Variants in ERCC1 observed in about 807,000 individuals in gnomAD.
ERCC1 encodes the protein DNA excision repair protein ERCC-1.
A neutral mutation model predicts 37.6 loss-of-function variants in ERCC1; 36 were observed. The ratio of observed to expected loss-of-function variants is 0.96; its 90% CI spans 0.73 to 1.26. The LOEUF is 1.26. Ranked by LOEUF, ERCC1 falls within the 50% of genes most tolerant of loss-of-function variation. ERCC1 has a pLI of 0.00. For missense variants in ERCC1, 349 were observed against 376.5 expected (o/e 0.93, Z 0.60); for synonymous variants, 156 against 162.1 (o/e 0.96, Z 0.28).
In ERCC1 at chr19:45,409,153, C is replaced by T; in HGVS notation, c.*522G>A. On this transcript the variant is annotated 3_prime_UTR_variant, in exon 10 of 10. Coordinates refer to ENST00000300853, the MANE Select transcript of ERCC1 (RefSeq NM_001983.4). ...CGAAGAAAGAAAAACAGCAAGATGC[C>T]ACAGTGGAGCCAGAGACAGAGGTGG... The T allele has an allele frequency of 4.3e-6, 7 of 1,613,058 alleles. No individual in the cohort carries two copies. Among genetic ancestry groups the T allele is most frequent in the Non-Finnish European group, 5.9e-6 (7 of 1,179,412 alleles).
chr19:45,438,065 G>A (rs551047412), intron 1 of ERCC1, among the ~76,000 whole-genome samples: 50 of 152,056 alleles, frequency 3.3e-4, no homozygotes, highest in Middle Eastern at 3.4e-3. Flanking sequence ...GTGAGACCAC[G>A]CCCAGCTAAA....
chr19:45,435,196 C>T (rs575617194), intron 1 of ERCC1, among the ~76,000 whole-genome samples: 136 of 152,118 alleles, frequency 8.9e-4, no homozygotes, highest in Non-Finnish European at 1.6e-3. Flanking sequence ...GGATTACAGG[C>T]ATGAGCCACT....
At chr19:45,412,956 G>C (rs1455867982) in intron 9 of ERCC1, among the ~76,000 whole-genome samples, 1 of 151,724 alleles carries the variant, frequency 6.6e-6, no homozygotes, top group African/African-American at 2.4e-5. Context: ...GGCCAGGCTG[G>C]TCCCAAACTC....
At chr19:45,448,844 G>T (rs1412320028) in intron 1 of ERCC1, among the ~76,000 whole-genome samples, 3 of 151,790 alleles carry the variant, frequency 2.0e-5, no homozygotes, top group African/African-American at 7.3e-5. Flanking sequence ...CCGTCTCCTT[G>T]GCCCATGCTT....
chr19:45,421,712 C>A lies in ERCC1; in HGVS notation c.106-319G>T, dbSNP rs375510704. Among the ~76,000 whole-genome samples the A allele has an allele frequency of 5.2e-4, 79 of 151,438 alleles. No individual in the cohort carries two copies. The East Asian group carries it at 0.015, about 28-fold the overall frequency. On this transcript the variant is annotated intron_variant, in intron 2 of 9. Coordinates refer to ENST00000300853, the MANE Select transcript of ERCC1 (RefSeq NM_001983.4). The stretch of plus-strand genomic sequence containing the variant: ...GCAGTGGCGTGATCTCGGCTCACTG[C>A]AACCTCCGCCCCCCAGGTTCAAGCG...
At position 45,409,492 on chromosome 19, in the gene ERCC1, G is replaced by A. The variant is rs118178942; in HGVS notation, c.*183C>T. ...AGAAGCGGAAGCAGCAGCAGCAGCA[G>A]CCTGTGTAGTCTGCCCCCGGGAAAC... is the stretch of plus-strand genomic sequence containing the variant. On this transcript the variant is annotated 3_prime_UTR_variant, in exon 10 of 10. Coordinates refer to ENST00000300853, the MANE Select transcript of ERCC1 (RefSeq NM_001983.4). The A allele has an allele frequency of 0.013, 21,637 of 1,607,540 alleles. 178 individuals carry two copies. Among genetic ancestry groups the A allele is most frequent in the Middle Eastern group, 0.026 (146 of 5,696 alleles).
chr19:45,428,610 T>C (rs1974758993), upstream of ERCC1, among the ~76,000 whole-genome samples: 1 of 152,184 alleles, frequency 6.6e-6, no homozygotes, highest in Admixed American at 6.5e-5. Context: ...TCCTCTCAAC[T>C]TCGAGCCCTT....
intron 6 of ERCC1, chr19:45,415,882 T>A (rs1974042768): frequency 2.3e-6 from 1 of 434,528 alleles, no homozygotes. Flanking sequence ...ATGCTTGTAA[T>A]CCCAGCACTT....
At chr19:45,410,404 C>G (rs1033717573) in intron 9 of ERCC1, 15 of 152,166 alleles carry the variant, frequency 9.9e-5, no homozygotes, top group African/African-American at 3.6e-4. Context: ...AGGCTGGTCT[C>G]GAACTCCTGA....
chr19:45,413,017 A>G (rs1280254303), intron 9 of ERCC1, among the ~76,000 whole-genome samples: 1 of 152,168 alleles, frequency 6.6e-6, no homozygotes, highest in Non-Finnish European at 1.5e-5. Context: ...CTGGGATTAC[A>G]GGCCCAAGCC....
intron 1 of ERCC1, among the ~76,000 whole-genome samples, chr19:45,443,151 T>G (rs988442200): frequency 6.6e-5 from 10 of 152,102 alleles, no homozygotes; most frequent in Non-Finnish European, 8.8e-5. Context: ...CCCAGCTGCC[T>G]GGATGTGAGG....
chr19:45,425,001 C>T (rs1342091878), upstream of ERCC1, among the ~76,000 whole-genome samples: 2 of 148,972 alleles, frequency 1.3e-5, no homozygotes, highest in African/African-American at 5.0e-5. Context: ...CAGTTCACTG[C>T]ACCTCCCCCT....
At chr19:45,415,159 C>T (rs1223066415) in intron 6 of ERCC1, among the ~76,000 whole-genome samples, 199 bp from the exon 7 acceptor site, 2 of 151,756 alleles carry the variant, frequency 1.3e-5, no homozygotes, top group Non-Finnish European at 2.9e-5. Flanking sequence ...CATGGTGAAA[C>T]CTCGTTTCTA....
chr19:45,416,813 C>T lies in ERCC1; in HGVS notation c.602+8G>A, dbSNP rs1420501232. 1.2e-6 allele frequency: 2 copies of T among 1,610,468 alleles called. No homozygotes were observed. The highest frequency in any genetic ancestry group is 1.7e-6 in the Non-Finnish European group (2 of 1,176,820). On this transcript the variant is annotated splice_region_variant and intron_variant, in intron 6 of 9. Transcript: ENST00000300853. ...AGCCTGAATGAGGCAGGGAAGCCCT[C>T]ATCTCACCTCCAGGCGAGGATCAAT...
intron 1 of ERCC1, among the ~76,000 whole-genome samples, chr19:45,450,901 CCCCCA>C (rs1364533107): frequency 3.5e-4 from 34 of 96,438 alleles, no homozygotes; most frequent in African/African-American, 4.5e-4. Context: ...CCCCCCCCCC[CCCCCA>C]CGCCCGCGCA....
At chr19:45,412,252 G>A (rs893990179) in intron 9 of ERCC1, among the ~76,000 whole-genome samples, 32 of 151,296 alleles carry the variant, frequency 2.1e-4, no homozygotes, top group Non-Finnish European at 1.2e-4. Context: ...TCCGTCTCCC[G>A]GGTTCAAGAG....
intron 1 of ERCC1, among the ~76,000 whole-genome samples, chr19:45,429,767 A>G (rs1974788678): frequency 6.6e-6 from 1 of 151,846 alleles, no homozygotes; most frequent in Admixed American, 6.6e-5. Flanking sequence ...GCCCAGGGCA[A>G]TTCCTTTATT....
chr19:45,416,479 G>A (rs966830012), intron 6 of ERCC1: 16 of 283,366 alleles, frequency 5.6e-5, no homozygotes, highest in African/African-American at 1.8e-4. Flanking sequence ...GGCAAAACCC[G>A]TCCCTACTAA....
chr19:45,443,515 C>T (rs1045031864), intron 1 of ERCC1, among the ~76,000 whole-genome samples: 4 of 152,196 alleles, frequency 2.6e-5, no homozygotes, highest in African/African-American at 9.7e-5. Flanking sequence ...ACTCCGCCCA[C>T]TTGTGACGTC....
Sources: gnomAD v4.1 joint callset for allele counts (sites outside exome capture counted in the v4.1 genomes callset) on GRCh38, gnomAD v4.1.1 for gene constraint, MANE v1.5 for transcripts, NCBI Gene and HGNC (gene_info 2026-07-23, HGNC 2026-07-21) for gene names.